MAMDC2: variants seen among roughly 807,000 people sequenced by gnomAD.
The protein encoded by MAMDC2 is MAM domain-containing protein 2.
A neutral mutation model predicts 89.8 loss-of-function variants in MAMDC2; 57 were observed. The ratio of observed to expected loss-of-function variants is 0.63; its 90% CI spans 0.51 to 0.79. The LOEUF (loss-of-function observed/expected upper bound fraction) is 0.79, where lower values mean the gene tolerates loss of function less well. Among genes scored for constraint, MAMDC2 ranks in the 30% least tolerant of loss-of-function variants. The pLI is 0.00. For synonymous variants in MAMDC2, 313 were observed against 293.4 expected, an observed-to-expected ratio of 1.07 and a Z score of -0.68; for missense variants, 800 against 820.6, an observed-to-expected ratio of 0.97 and a Z score of 0.31.
At chr9:70,149,819 A>G (rs1270653802) in intron 9 of MAMDC2, among the ~76,000 whole-genome samples, 1 of 152,234 alleles carries the variant, frequency 6.6e-6, no homozygotes, top group Non-Finnish European at 1.5e-5. Context: ...GAAGAGAGCA[A>G]TAAGAAAGAC....
intron 10 of MAMDC2, among the ~76,000 whole-genome samples, chr9:70,169,047 T>C (rs1200762431): frequency 6.6e-6 from 1 of 152,192 alleles, no homozygotes; most frequent in East Asian, 1.9e-4. Context: ...ACCTGAATAT[T>C]GGGGATAATA....
chr9:70,067,530 C>A (rs1288017050), intron 2 of MAMDC2, among the ~76,000 whole-genome samples: 1 of 152,180 alleles, frequency 6.6e-6, no homozygotes, highest in Non-Finnish European at 1.5e-5. Context: ...TTGCCCATAT[C>A]CCTACCTTCA....
intron 11 of MAMDC2, among the ~76,000 whole-genome samples, chr9:70,179,554 T>C (rs1587548132): frequency 8.3e-6 from 1 of 120,334 alleles, no homozygotes; most frequent in African/African-American, 3.0e-5. Context: ...TAAATAAAAA[T>C]AAAATAAAAT....
At chr9:70,185,205 T>C (rs942958962) in intron 11 of MAMDC2, among the ~76,000 whole-genome samples, 10 of 152,212 alleles carry the variant, frequency 6.6e-5, no homozygotes, top group East Asian at 3.9e-4. Context: ...GGCATCATCA[T>C]TGGAGGCAGC....
chr9:70,120,841 A>T (rs1173210744), intron 5 of MAMDC2, among the ~76,000 whole-genome samples: 5 of 152,230 alleles, frequency 3.3e-5, no homozygotes, highest in Admixed American at 2.6e-4. Flanking sequence ...CCTTACAACT[A>T]AAGGCTTGTG....
In MAMDC2 at chr9:70,126,277, G is replaced by T. The variant is rs200195119; in HGVS notation, c.762G>T (p.Gln254His). Reference protein sequence around the residue: ...AGCLSFYYQIQQGNDNVFSLY... With the variant: ...AGCLSFYYQIHQGNDNVFSLY... ...GCCTGTCATTTTATTACCAGATCCA[G>T]CAGGGGAATGACAATGTCTTTTCCC... The change falls in exon 6 of 14, where the codon CAG (glutamine) becomes CAT (histidine). Residue 254 changes from glutamine (Q) to histidine (H), a missense_variant. Coordinates refer to ENST00000377182, the MANE Select transcript of MAMDC2 (RefSeq NM_153267.5). 12 of 1,614,198 alleles carry T rather than the reference G, an allele frequency of 7.4e-6. No individual in the cohort carries two copies. The highest frequency in any genetic ancestry group is 1.6e-4 in the Middle Eastern group (1 of 6,062).
At chr9:70,166,280 C>T (rs34160974) in intron 9 of MAMDC2, among the ~76,000 whole-genome samples, 30,005 of 90,612 alleles carry the variant, frequency 0.33, 5,339 homozygotes, top group African/African-American at 0.53. Flanking sequence ...TATATATACA[C>T]ACACACACAC....
intron 11 of MAMDC2, among the ~76,000 whole-genome samples, chr9:70,200,093 T>A (rs1379326708): frequency 6.6e-6 from 1 of 151,666 alleles, no homozygotes; most frequent in Non-Finnish European, 1.5e-5. Context: ...TTGTTGCCAT[T>A]GCTTTTGGTG....
chr9:70,205,391 C>T (rs1006110479), intron 11 of MAMDC2, among the ~76,000 whole-genome samples: 1 of 152,104 alleles, frequency 6.6e-6, no homozygotes, highest in Non-Finnish European at 1.5e-5. Flanking sequence ...AGAGCGACAC[C>T]TTCTACAATT....
At chr9:70,170,382 A>C in intron 10 of MAMDC2, 97 bp from the exon 11 acceptor site, 2 of 1,375,906 alleles carry the variant, frequency 1.5e-6, no homozygotes, top group African/African-American at 1.5e-5. Flanking sequence ...CGCATGGCAT[A>C]TGGCCAGACA....
chr9:70,203,149 C>G (rs1183649071), intron 11 of MAMDC2, among the ~76,000 whole-genome samples: 1 of 150,876 alleles, frequency 6.6e-6, no homozygotes, highest in Admixed American at 6.6e-5. Flanking sequence ...TCTTCCTAGT[C>G]TTGATGGTCT....
chr9:70,211,213 A>C (rs2033347757), intron 11 of MAMDC2, among the ~76,000 whole-genome samples: 1 of 152,332 alleles, frequency 6.6e-6, no homozygotes, highest in Non-Finnish European at 1.5e-5. Context: ...AATATCCTGA[A>C]GACTGTTTTC....
chr9:70,133,925 G>A (rs947711907), intron 7 of MAMDC2, among the ~76,000 whole-genome samples: 2 of 152,220 alleles, frequency 1.3e-5, no homozygotes, highest in African/African-American at 4.8e-5. Flanking sequence ...GCTGGAGCCT[G>A]CTTTATGTCT....
chr9:70,190,783 G>T (rs544150000), intron 11 of MAMDC2, among the ~76,000 whole-genome samples: 1 of 152,032 alleles, frequency 6.6e-6, no homozygotes, highest in Non-Finnish European at 1.5e-5. Flanking sequence ...TTTGATAAAT[G>T]CCATGTGGAT....
At chr9:70,057,328 G>A (rs910071615) in intron 2 of MAMDC2, among the ~76,000 whole-genome samples, 2 of 152,142 alleles carry the variant, frequency 1.3e-5, no homozygotes, top group African/African-American at 4.8e-5. Flanking sequence ...TGATCCAAGT[G>A]GCCCTCTTGC....
intron 11 of MAMDC2, among the ~76,000 whole-genome samples, chr9:70,171,338 T>C (rs1054908346): frequency 9.9e-4 from 7 of 7,106 alleles, no homozygotes; most frequent in African/African-American, 2.9e-3. Flanking sequence ...ATCTTGACAA[T>C]TTTTTTTTTA....
intron 11 of MAMDC2, among the ~76,000 whole-genome samples, chr9:70,204,962 C>A (rs1032338476): frequency 6.6e-6 from 1 of 152,218 alleles, no homozygotes; most frequent in Non-Finnish European, 1.5e-5. Flanking sequence ...GTCTGGCACT[C>A]CCTAGTGAGA....
intron 2 of MAMDC2, among the ~76,000 whole-genome samples, chr9:70,048,983 C>T (rs967950629): frequency 6.6e-6 from 1 of 152,196 alleles, no homozygotes; most frequent in African/African-American, 2.4e-5. Context: ...TTGGAACACT[C>T]AGCTACCTGG....
intron 2 of MAMDC2, among the ~76,000 whole-genome samples, chr9:70,065,710 G>C (rs1382117016): frequency 6.6e-6 from 1 of 151,942 alleles, no homozygotes; most frequent in Admixed American, 6.6e-5. Context: ...TGGTCATTGG[G>C]TTGAGACATT....
Sources: allele counts gnomAD v4.1 joint callset (sites outside exome capture counted in the v4.1 genomes callset), GRCh38; gene constraint gnomAD v4.1.1; transcripts MANE v1.5; gene names NCBI Gene and HGNC (gene_info 2026-07-23, HGNC 2026-07-21).